Variants in OLA1 observed in about 807,000 individuals in gnomAD.
OLA1 encodes Obg like ATPase 1.
Under a neutral mutation model 48.4 loss-of-function variants are expected in OLA1, and 14 were observed. The ratio of observed to expected loss-of-function variants is 0.29; its 90% CI spans 0.19 to 0.45. The LOEUF is 0.45. OLA1 is among the 20% of genes least tolerant of loss of function. The probability of loss-of-function intolerance (pLI) is 1.00; values close to 1 mark genes in which losing one functional copy is unlikely to be tolerated. For missense variants in OLA1, 325 were observed against 467.1 expected, an observed-to-expected ratio of 0.70 and a Z score of 2.80; for synonymous variants, 127 against 150.4, an observed-to-expected ratio of 0.84 and a Z score of 1.14.
In OLA1 at chr2:174,089,744, A is replaced by G. The variant is rs574720040; in HGVS notation, c.729-7680T>C. Among the ~76,000 whole-genome samples the G allele has an allele frequency of 4.6e-5, 7 of 151,940 alleles. No homozygotes were observed. The South Asian group carries it at 1.5e-3, about 32-fold the overall frequency. On this transcript the variant is annotated intron_variant, in intron 7 of 10. Coordinates refer to ENST00000284719, the MANE Select transcript of OLA1 (RefSeq NM_013341.5). ...TGGTGAAACGACGTTTCTACAAAAA[A>G]TACAAAAATTATCCAGGCATGGTAG...
At chr2:174,088,892 A>AT (rs1685041877) in intron 7 of OLA1, among the ~76,000 whole-genome samples, 1 of 148,484 alleles carries the variant, frequency 6.7e-6, no homozygotes, top group Non-Finnish European at 1.5e-5. Flanking sequence ...AAATAAATAA[A>AT]TAAATAAATA....
chr2:174,130,638 GC>G (rs1686159489), intron 5 of OLA1, among the ~76,000 whole-genome samples: 1 of 152,180 alleles, frequency 6.6e-6, no homozygotes, highest in Non-Finnish European at 1.5e-5. Flanking sequence ...AAGTTTGAAT[GC>G]ATTTTACCAT....
chr2:174,147,812 TA>T (rs1285596140), intron 4 of OLA1, among the ~76,000 whole-genome samples: 1 of 150,174 alleles, frequency 6.7e-6, no homozygotes, highest in African/African-American at 2.4e-5. Flanking sequence ...AAGTCTTTTT[TA>T]TTGTTTGTTT....
At chr2:174,103,637 T>A (rs754689404) in intron 7 of OLA1, among the ~76,000 whole-genome samples, 1 of 152,302 alleles carries the variant, frequency 6.6e-6, no homozygotes, top group South Asian at 2.1e-4. Context: ...AAGGGATACA[T>A]TCAATGGATT....
At chr2:174,142,109 T>C in intron 4 of OLA1, 109 bp from the exon 5 acceptor site, 1 of 969,210 alleles carries the variant, frequency 1.0e-6, no homozygotes. Flanking sequence ...ATAAATAAAT[T>C]ACTCTGGCTT....
intron 4 of OLA1, among the ~76,000 whole-genome samples, chr2:174,200,483 T>C (rs1687968381): frequency 6.6e-6 from 1 of 152,118 alleles, no homozygotes; most frequent in Non-Finnish European, 1.5e-5. Context: ...TATAAAAAGA[T>C]AGGCCTGGAA....
At chr2:174,141,124 G>A (rs1276078511) in intron 5 of OLA1, among the ~76,000 whole-genome samples, 3 of 152,106 alleles carry the variant, frequency 2.0e-5, no homozygotes, top group African/African-American at 7.2e-5. Context: ...TAGGGACAGG[G>A]TTTCGCCATG....
Position 174,091,869 on chromosome 2 carries a change from C to CAAAAAAAAAAAAAAAAAA in OLA1, c.729-9823_729-9806dup, listed in dbSNP as rs1174747360. Among the ~76,000 whole-genome samples the CAAAAAAAAAAAAAAAAAA allele has an allele frequency of 3.9e-4, 9 of 22,980 alleles. 2 individuals carry two copies. The highest frequency in any genetic ancestry group is 7.7e-4 in the Non-Finnish European group (8 of 10,402). The allele number at this position is 22,980 out of a possible 152,430, so 15.1% of individuals were successfully genotyped here. ...CCTGGGAGACAGCGAGACTCTGCCT[C>CAAAAAAAAAAAAAAAAAA]AAAAAAAAAAAAAAAAAAAAAAAAA... On this transcript the variant is annotated intron_variant, in intron 7 of 10. Transcript: ENST00000284719.
intron 7 of OLA1, among the ~76,000 whole-genome samples, chr2:174,104,191 C>A (rs1044912295): frequency 6.6e-6 from 1 of 151,368 alleles, no homozygotes; most frequent in African/African-American, 2.4e-5. Context: ...TACTTAATTA[C>A]CCGAAGGACA....
chr2:174,180,132 CTAAT>C (rs1687500521), intron 4 of OLA1, among the ~76,000 whole-genome samples: 1 of 151,792 alleles, frequency 6.6e-6, no homozygotes, highest in African/African-American at 2.4e-5. Context: ...CAGTTACTAG[CTAAT>C]TAACATTAGC....
chr2:174,086,596 C>A (rs1684983447), intron 7 of OLA1, among the ~76,000 whole-genome samples: 1 of 152,012 alleles, frequency 6.6e-6, no homozygotes, highest in African/African-American at 2.4e-5. Flanking sequence ...GCCTTTGGGG[C>A]CATTATTAAG....
At chr2:174,163,230 C>T (rs1409311173) in intron 4 of OLA1, among the ~76,000 whole-genome samples, 3 of 151,980 alleles carry the variant, frequency 2.0e-5, no homozygotes, top group Non-Finnish European at 4.4e-5. Context: ...CAGGGTCACA[C>T]TGATCAGAAA....
intron 7 of OLA1, among the ~76,000 whole-genome samples, chr2:174,107,520 T>A (rs1308356665): frequency 5.9e-5 from 9 of 152,126 alleles, no homozygotes; most frequent in Admixed American, 2.6e-4. Flanking sequence ...GTTTCTTCAA[T>A]CTAAATGAAT....
At chr2:174,124,763 A>C (rs777547159) in intron 5 of OLA1, among the ~76,000 whole-genome samples, 22 of 152,192 alleles carry the variant, frequency 1.4e-4, no homozygotes, top group Non-Finnish European at 2.2e-4. Flanking sequence ...AATGTATTTT[A>C]CTTTACCATA....
At chr2:174,185,205 C>T (rs1343993778) in intron 4 of OLA1, among the ~76,000 whole-genome samples, 1 of 152,152 alleles carries the variant, frequency 6.6e-6, no homozygotes, top group Non-Finnish European at 1.5e-5. Context: ...AGAGCAACTA[C>T]TAGGAAAGGC....
At chr2:174,137,525 G>C (rs1686337823) in intron 5 of OLA1, among the ~76,000 whole-genome samples, 1 of 152,226 alleles carries the variant, frequency 6.6e-6, no homozygotes, top group Non-Finnish European at 1.5e-5. Flanking sequence ...AGCAATTAAA[G>C]TCCTAGATGG....
rs1684699776 is a variant in OLA1, at chr2:174,075,164, T to C, written c.*262A>G. The C allele has an allele frequency of 2.7e-6, 1 of 367,728 alleles. No homozygotes were observed. The highest frequency in any genetic ancestry group is 5.0e-6 in the Non-Finnish European group (1 of 200,464). 22.8% of individuals were successfully genotyped at this position (367,728 alleles called of 1,614,324 possible). A position where few individuals can be genotyped will look rare whatever the true frequency, so the allele number is the denominator to read the frequency against. ...GATTAATGAAGTATCATGAGAGTAA[T>C]ATGGTTCCTGAAAAGCTTCTACAAT... On this transcript the variant is annotated 3_prime_UTR_variant, in exon 11 of 11. Coordinates refer to ENST00000284719, the MANE Select transcript of OLA1 (RefSeq NM_013341.5).
chr2:174,079,130 G>C, intron 9 of OLA1, 40 bp from the exon 10 acceptor site: 1 of 1,552,854 alleles, frequency 6.4e-7, no homozygotes. Context: ...TTGCATTTAA[G>C]ATGACTGATT....
intron 8 of OLA1, 77 bp downstream of exon 8, chr2:174,081,847 T>A (rs561299958): frequency 7.4e-7 from 1 of 1,346,552 alleles, no homozygotes; most frequent in East Asian, 2.3e-5. Context: ...CATTTATTAT[T>A]CTATCAGCGC....
Sources: allele counts gnomAD v4.1 joint callset (sites outside exome capture counted in the v4.1 genomes callset), GRCh38; gene constraint gnomAD v4.1.1; transcripts MANE v1.5; gene names NCBI Gene and HGNC (gene_info 2026-07-23, HGNC 2026-07-21).